The following C17orf113 variants were observed in gnomAD, a reference collection of about 807,000 sequenced individuals.
C17orf113 encodes the protein chromosome 17 open reading frame 113.
A neutral mutation model predicts 11.6 loss-of-function variants in C17orf113; 5 were observed. That is an observed-to-expected ratio of 0.43 (90% CI 0.23 to 0.91). C17orf113 has a LOEUF of 0.91. Ranked by LOEUF, C17orf113 falls within the 40% of genes least tolerant of loss-of-function variation. The pLI, the probability that C17orf113 is intolerant of heterozygous loss-of-function variation, is 0.26. For synonymous variants in C17orf113, 327 were observed against 390.6 expected (o/e 0.84, Z 1.92); for missense variants, 714 against 841.3 (o/e 0.85, Z 1.87).
chr17:42,038,373 G>A lies in C17orf113; in HGVS notation c.*1332C>T, dbSNP rs2052916199. 5.6e-6 allele frequency: 2 copies of A among 359,466 alleles called. No homozygotes were observed. The highest frequency in any genetic ancestry group is 1.0e-5 in the Non-Finnish European group (2 of 197,564). The allele number at this position is 359,466 out of a possible 1,614,324, so 22.3% of individuals were successfully genotyped here. A position where few individuals can be genotyped will look rare whatever the true frequency, so the allele number is the denominator to read the frequency against. On this transcript the variant is annotated 3_prime_UTR_variant, in exon 3 of 3. Coordinates refer to ENST00000587304, the MANE Select transcript of C17orf113 (RefSeq NM_001358661.2). Reference sequence around the variant, plus strand: ...GATTTCATGGCCAGGGCTGACAGGAGGGAATGGGAAACCCATGGGCTCTGA... The same window carrying A: ...GATTTCATGGCCAGGGCTGACAGGAAGGAATGGGAAACCCATGGGCTCTGA...
intron 1 of C17orf113, among the ~76,000 whole-genome samples, chr17:42,047,094 C>T (rs1332775895): frequency 2.7e-5 from 4 of 148,214 alleles, no homozygotes; most frequent in African/African-American, 5.0e-5. Context: ...CGCAGTGGCG[C>T]GATCTCGGCT....
intron 1 of C17orf113, among the ~76,000 whole-genome samples, chr17:42,048,245 A>C (rs1555656810): frequency 6.6e-6 from 1 of 151,988 alleles, no homozygotes; most frequent in African/African-American, 2.4e-5. Context: ...CCTTATAAAT[A>C]TGCCATTCTT....
In C17orf113 at chr17:42,043,020, G is replaced by GGCAGA; in HGVS notation, c.356_357insTCTGC (p.Val120LeufsTer7). The GGCAGA allele has an allele frequency of 4.1e-6, 5 of 1,232,304 alleles. No homozygotes were observed. In the South Asian group the frequency reaches 2.1e-4, roughly 51 times the overall value. 76.3% of individuals were successfully genotyped at this position (1,232,304 alleles called of 1,614,324 possible). On this transcript the variant is annotated frameshift_variant, in exon 2 of 3. Coordinates refer to ENST00000587304, the MANE Select transcript of C17orf113 (RefSeq NM_001358661.2). LOFTEE classifies it high-confidence loss of function. ...TGGCCGGGTCTAACTCCACCTTGAC[G>GGCAGA]CCCCTGGAGGCAGGGGTCGTAGCCA... is the stretch of plus-strand genomic sequence containing the variant.
chr17:42,041,843 G>A (rs542669823), intron 2 of C17orf113, among the ~76,000 whole-genome samples: 27 of 152,142 alleles, frequency 1.8e-4, no homozygotes, highest in Admixed American at 5.9e-4. Context: ...CATGCTTCCA[G>A]GGGCCATGTG....
Position 42,039,847 on chromosome 17 carries a change from C to T in C17orf113, c.1886G>A (p.Ser629Asn). Residue 629 changes from serine (S) to asparagine (N), a missense_variant, in exon 3 of 3, where the codon AGT becomes AAT. This residue lies in a region of C17orf113 where 194 missense variants were observed against 197.2 expected (regional missense o/e 0.98). Coordinates refer to ENST00000587304, the MANE Select transcript of C17orf113 (RefSeq NM_001358661.2). ...RSRELRWWGQ[S>N]GAGEGRGGHM... ...GCCCCCCCGGCCTTCCCCGGCCCCA[C>T]TCTGCCCCCACCACCGCAGCTCCCG... 8.1e-7 allele frequency: 1 copy of T among 1,231,824 alleles called. No homozygotes were observed. Among genetic ancestry groups the T allele is most frequent in the Non-Finnish European group, 1.0e-6 (1 of 987,936 alleles). 76.3% of individuals were successfully genotyped at this position (1,231,824 alleles called of 1,614,324 possible). A position where few individuals can be genotyped will look rare whatever the true frequency, so the allele number is the denominator to read the frequency against.
At chr17:42,044,114 TG>T (rs2053090821) in intron 1 of C17orf113, among the ~76,000 whole-genome samples, 1 of 125,930 alleles carries the variant, frequency 7.9e-6, no homozygotes, top group Non-Finnish European at 1.6e-5. Context: ...AAGACCAGCC[TG>T]GGCAACATGG....
rs1228767869 is a variant in C17orf113 at position 42,039,655 on chromosome 17, T to TA, written c.*49dup. Reference sequence around the variant, plus strand: ...GCATGGTCAAGTCTAGGTTGGCCCTTACAGTGCCCAGGGCCCCAGGCTGGA... The same window carrying TA: ...GCATGGTCAAGTCTAGGTTGGCCCTTAACAGTGCCCAGGGCCCCAGGCTGGA... On this transcript the variant is annotated 3_prime_UTR_variant, in exon 3 of 3. Coordinates refer to ENST00000587304, the MANE Select transcript of C17orf113 (RefSeq NM_001358661.2). The TA allele has an allele frequency of 5.2e-5, 64 of 1,226,962 alleles. No individual in the cohort carries two copies. The highest frequency in any genetic ancestry group is 3.1e-4 in the Middle Eastern group (1 of 3,230). The allele number at this position is 1,226,962 out of a possible 1,614,324, so 76.0% of individuals were successfully genotyped here. A position where few individuals can be genotyped will look rare whatever the true frequency, so the allele number is the denominator to read the frequency against.
At chr17:42,047,730 T>G (rs2053196664) in intron 1 of C17orf113, among the ~76,000 whole-genome samples, 2 of 150,522 alleles carry the variant, frequency 1.3e-5, no homozygotes, top group African/African-American at 4.9e-5. Flanking sequence ...CTCGGCTCAC[T>G]GCAACCTCCG....
At chr17:42,045,852 C>T (rs576517290) in intron 1 of C17orf113, among the ~76,000 whole-genome samples, 1 of 152,312 alleles carries the variant, frequency 6.6e-6, no homozygotes, top group African/African-American at 2.4e-5. Flanking sequence ...AGTCTACACA[C>T]CTAACCACAA....
In C17orf113 at chr17:42,039,976, G is replaced by A. The variant is rs2052971680; in HGVS notation, c.1757C>T (p.Ala586Val). The A allele has an allele frequency of 3.2e-6, 4 of 1,231,052 alleles. No individual in the cohort carries two copies. Among genetic ancestry groups the A allele is most frequent in the African/African-American group, 1.6e-5 (1 of 64,488 alleles). The allele number at this position is 1,231,052 out of a possible 1,614,324, so 76.3% of individuals were successfully genotyped here. ...PRALCTQLAC[A>V]HSELHELFPD... ...GAAGAGCTCGTGCAGCTCCGAGTGC[G>A]CGCACGCCAGCTGGGTGCACAGGGC... Residue 586 changes from alanine to valine, a missense_variant, in exon 3 of 3, where the codon GCG becomes GTG. Ala to Val is a moderately conservative substitution (Grantham distance 64). Transcript: ENST00000587304.
At position 42,038,302 on chromosome 17, in the gene C17orf113, C is replaced by T. The variant is rs2052913937; in HGVS notation, c.*1403G>A. 4.0e-6 allele frequency: 2 copies of T among 505,230 alleles called. No homozygotes were observed. Among genetic ancestry groups the T allele is most frequent in the Non-Finnish European group, 7.0e-6 (2 of 285,222 alleles). 31.3% of individuals were successfully genotyped at this position (505,230 alleles called of 1,614,324 possible). ...GGGGTATTAGGAAAAGGCTAGCCCT[C>T]GCCCCTCTCACTCTCTAACTATCCT... On this transcript the variant is annotated 3_prime_UTR_variant, in exon 3 of 3. Coordinates refer to ENST00000587304, the MANE Select transcript of C17orf113 (RefSeq NM_001358661.2).
In C17orf113 at chr17:42,043,336, T is replaced by C. The variant is rs999481577; in HGVS notation, c.41A>G (p.Asn14Ser). ...GTAACGCTTACACTTCTTGTTGGAG[T>C]TGGAGGCCTCTCCCGCTGGTTTCTT... ...PGKKPAGEAS[N>S]SNKKCKRYFN... The change falls in exon 2 of 3, where the codon AAC becomes AGC. Residue 14 changes from asparagine (N) to serine (S), a missense_variant. Physicochemically the swap from Asn to Ser is conservative, Grantham distance 46. Transcript: ENST00000587304. The C allele has an allele frequency of 9.7e-6, 12 of 1,232,094 alleles. No homozygotes were observed. Among genetic ancestry groups the C allele is most frequent in the Non-Finnish European group, 1.1e-5 (11 of 988,020 alleles). 76.3% of individuals were successfully genotyped at this position (1,232,094 alleles called of 1,614,324 possible).
intron 1 of C17orf113, among the ~76,000 whole-genome samples, chr17:42,046,505 T>C (rs782810225): frequency 1.3e-5 from 2 of 151,958 alleles, no homozygotes; most frequent in African/African-American, 2.4e-5. Context: ...GAGGCTGAGG[T>C]GGGAAGATCA....
intron 1 of C17orf113, among the ~76,000 whole-genome samples, chr17:42,045,526 T>A (rs1435606181): frequency 6.6e-6 from 1 of 152,248 alleles, no homozygotes; most frequent in Non-Finnish European, 1.5e-5. Flanking sequence ...AGGACAAAAC[T>A]GAGGTCTGTG....
At chr17:42,045,169 G>T (rs2053129231) in intron 1 of C17orf113, among the ~76,000 whole-genome samples, 1 of 151,874 alleles carries the variant, frequency 6.6e-6, no homozygotes, top group Admixed American at 6.6e-5. Context: ...CGTCCGCCTC[G>T]GCCTCCCAAA....
chr17:42,042,843 C>T lies in C17orf113; in HGVS notation c.534G>A (p.Arg178=). ...HGDYYSPRRV[R]DMQVAIASVL... Reference sequence around the variant, plus strand: ...TCTGGCTGTCACCCACCTGCATGTCCCTCACCCTCCTGGGACTGTAGTAAT... The same window carrying T: ...TCTGGCTGTCACCCACCTGCATGTCTCTCACCCTCCTGGGACTGTAGTAAT... Residue 178 remains arginine, a synonymous_variant, in exon 2 of 3, where the codon AGG becomes AGA. Transcript: ENST00000587304. 1 of 1,232,296 alleles carries T rather than the reference C, an allele frequency of 8.1e-7. No homozygotes were observed. Among genetic ancestry groups the T allele is most frequent in the Non-Finnish European group, 1.0e-6 (1 of 988,132 alleles). The allele number at this position is 1,232,296 out of a possible 1,614,324, so 76.3% of individuals were successfully genotyped here. A position where few individuals can be genotyped will look rare whatever the true frequency, so the allele number is the denominator to read the frequency against.
At position 42,040,925 on chromosome 17, in the gene C17orf113, T is replaced by TGA; in HGVS notation, c.806_807dup (p.Ser271AlafsTer91). ...AGGCGCTCACTGGGGAGGCTTGAGC[T>TGA]GAGCCAGGCCAGCTTGGGTGCAGAT... On this transcript the variant is annotated frameshift_variant, in exon 3 of 3. Coordinates refer to ENST00000587304, the MANE Select transcript of C17orf113 (RefSeq NM_001358661.2). LOFTEE classifies it low-confidence loss of function (END_TRUNC). 1 of 1,232,200 alleles carries TGA rather than the reference T, an allele frequency of 8.1e-7. No individual in the cohort carries two copies. The highest frequency in any genetic ancestry group is 4.1e-5 in the South Asian group (1 of 24,320). The allele number at this position is 1,232,200 out of a possible 1,614,324, so 76.3% of individuals were successfully genotyped here.
Position 42,043,411 on chromosome 17 carries a change from C to T in C17orf113, c.-35G>A. 8.1e-7 allele frequency: 1 copy of T among 1,231,454 alleles called. No homozygotes were observed. Among genetic ancestry groups the T allele is most frequent in the Non-Finnish European group, 1.0e-6 (1 of 987,588 alleles). The allele number at this position is 1,231,454 out of a possible 1,614,324, so 76.3% of individuals were successfully genotyped here. A position where few individuals can be genotyped will look rare whatever the true frequency, so the allele number is the denominator to read the frequency against. ...CTCAGCAAGGAACCCCCAACCCCCA[C>T]CTGAATGCTCTTGCCCCCCTGCCTC... On this transcript the variant is annotated 5_prime_UTR_variant, in exon 2 of 3. It adds an upstream start codon to the 5' untranslated region. Transcript: ENST00000587304.
rs2053256788 is a variant in C17orf113, at chr17:42,050,427, G to C, written c.-188+130C>G. On this transcript the variant is annotated intron_variant, in intron 1 of 2. Transcript: ENST00000587304. The surrounding 1 kb of genome is among the most constrained non-coding windows in gnomAD (Gnocchi z 5.6). Reference sequence around the variant, plus strand: ...GGGGAGGGCTGAGGAACTTCCTCTGGGGGGCGCGCGGTGACAGAGCCCTCG... The same window carrying C: ...GGGGAGGGCTGAGGAACTTCCTCTGCGGGGCGCGCGGTGACAGAGCCCTCG... 6.6e-6 allele frequency: 1 copy of C among 152,114 alleles called. No individual in the cohort carries two copies. The highest frequency in any genetic ancestry group is 2.1e-4 in the South Asian group (1 of 4,832). The allele number at this position is 152,114 out of a possible 1,614,324, so 9.4% of individuals were successfully genotyped here. A position where few individuals can be genotyped will look rare whatever the true frequency, so the allele number is the denominator to read the frequency against.
Sources: allele counts gnomAD v4.1 joint callset (sites outside exome capture counted in the v4.1 genomes callset), GRCh38; gene constraint gnomAD v4.1.1; regional missense constraint gnomAD v4.1.1; non-coding constraint Gnocchi (gnomAD v3.1); transcripts MANE v1.5; gene names NCBI Gene and HGNC (gene_info 2026-07-23, HGNC 2026-07-21).